TBC1D4: variants seen among roughly 807,000 people sequenced by gnomAD.
TBC1D4 encodes the protein TBC (Tre-2, BUB2, CDC16) domain-containing protein.
A neutral mutation model predicts 142.5 loss-of-function variants in TBC1D4; 121 were observed. That is an observed-to-expected ratio of 0.85 (90% confidence interval 0.73 to 0.99). The LOEUF (loss-of-function observed/expected upper bound fraction) is 0.99, where lower values mean the gene tolerates loss of function less well. Ranked by LOEUF, TBC1D4 falls within the 50% of genes least tolerant of loss-of-function variation. The pLI is 0.00. For missense variants in TBC1D4, 1,475 were observed against 1,606.6 expected, an observed-to-expected ratio of 0.92 and a Z score of 1.40; for synonymous variants, 630 against 628.2, an observed-to-expected ratio of 1.00 and a Z score of -0.04.
At chr13:75,404,870 A>AGGG in intron 1 of TBC1D4, among the ~76,000 whole-genome samples, 1 of 152,276 alleles carries the variant, frequency 6.6e-6, no homozygotes, top group Middle Eastern at 3.4e-3. Context: ...CCCTCCACCC[A>AGGG]TGCAGAGAAA....
At chr13:75,331,492 C>A (rs1362462096) in intron 8 of TBC1D4, among the ~76,000 whole-genome samples, 3 of 151,778 alleles carry the variant, frequency 2.0e-5, no homozygotes, top group African/African-American at 7.3e-5. Flanking sequence ...AGAGCAAGAC[C>A]CTATCTCAAA....
At chr13:75,446,590 A>C (rs756806878) in intron 1 of TBC1D4, among the ~76,000 whole-genome samples, 3 of 152,242 alleles carry the variant, frequency 2.0e-5, no homozygotes, top group Non-Finnish European at 4.4e-5. Context: ...ACATCTGATA[A>C]ATTATCCAAA....
intron 4 of TBC1D4, among the ~76,000 whole-genome samples, chr13:75,352,310 C>T (rs1479677920): frequency 6.6e-6 from 1 of 152,118 alleles, no homozygotes; most frequent in African/African-American, 2.4e-5. Context: ...GCTAATATTT[C>T]ATTTCTAATG....
chr13:75,419,065 TCACACACACAAACA>T (rs1566476521), intron 1 of TBC1D4, among the ~76,000 whole-genome samples: 2 of 152,000 alleles, frequency 1.3e-5, no homozygotes, highest in Admixed American at 6.6e-5. Flanking sequence ...TCTCTCTCTT[TCACACACACAAACA>T]CACACACACA....
At chr13:75,429,065 C>T (rs898810146) in intron 1 of TBC1D4, among the ~76,000 whole-genome samples, 3 of 152,254 alleles carry the variant, frequency 2.0e-5, no homozygotes, top group Middle Eastern at 3.4e-3. Context: ...TACACAGAGT[C>T]GCAAGTGGTG....
intron 1 of TBC1D4, among the ~76,000 whole-genome samples, chr13:75,437,730 G>A (rs185007028): frequency 7.2e-5 from 11 of 152,076 alleles, no homozygotes; most frequent in Admixed American, 5.9e-4. Flanking sequence ...GTGGATAACC[G>A]ACTCTCAGAG....
intron 1 of TBC1D4, among the ~76,000 whole-genome samples, chr13:75,363,899 G>A (rs1260945984): frequency 6.6e-6 from 1 of 152,216 alleles, no homozygotes; most frequent in East Asian, 1.9e-4. Context: ...CAGTTTAAAA[G>A]TTTATTTTGC....
rs1333157643 is a variant in TBC1D4, at chr13:75,310,068, C to T, written c.2467G>A (p.Gly823Arg). The T allele has an allele frequency of 4.3e-6, 7 of 1,613,980 alleles. No individual in the cohort carries two copies. The Middle Eastern group carries it at 4.9e-4, about 114-fold the overall frequency. Residue 823 changes from glycine to arginine, a missense_variant, in exon 14 of 21, where the codon GGG becomes AGG. By Grantham distance (125) the Gly-to-Arg change is moderately radical. Transcript: ENST00000377636. Reference sequence around the variant, plus strand: ...TCAATCTTTTCTGGGTCATCCTCCCCAGACAGGAATACAACCAGCGGTTCC... The same window carrying T: ...TCAATCTTTTCTGGGTCATCCTCCCTAGACAGGAATACAACCAGCGGTTCC... Reference protein sequence around the residue: ...EEEPLVVFLSGEDDPEKIEER... With the variant: ...EEEPLVVFLSREDDPEKIEER...
chr13:75,419,217 G>T (rs1370817304), intron 1 of TBC1D4, among the ~76,000 whole-genome samples: 1 of 152,144 alleles, frequency 6.6e-6, no homozygotes, highest in South Asian at 2.1e-4. Context: ...TTTTGCTGGA[G>T]GTTATTTTGC....
intron 12 of TBC1D4, among the ~76,000 whole-genome samples, chr13:75,315,521 T>C (rs571996829): frequency 1.4e-4 from 22 of 151,998 alleles, no homozygotes; most frequent in Admixed American, 1.4e-3. Flanking sequence ...CTATATATAA[T>C]AGTTACAACC....
At chr13:75,373,369 G>A (rs1023391134) in intron 1 of TBC1D4, among the ~76,000 whole-genome samples, 3 of 152,112 alleles carry the variant, frequency 2.0e-5, no homozygotes, top group Admixed American at 6.5e-5. Flanking sequence ...CTAAAGGGGC[G>A]TATACCTCCC....
chr13:75,457,700 C>T (rs1887795178), intron 1 of TBC1D4, among the ~76,000 whole-genome samples: 1 of 152,162 alleles, frequency 6.6e-6, no homozygotes, highest in South Asian at 2.1e-4. Flanking sequence ...CAAGAAGTAC[C>T]TAGGATGCTT....
At chr13:75,474,403 C>CA (rs1327111799) in intron 1 of TBC1D4, among the ~76,000 whole-genome samples, 1 of 151,998 alleles carries the variant, frequency 6.6e-6, no homozygotes, top group African/African-American at 2.4e-5. Flanking sequence ...ACCAAAAATA[C>CA]AAAAAATTAG....
chr13:75,324,296 G>A lies in TBC1D4; in HGVS notation c.2139C>T (p.Phe713=), dbSNP rs1157813016. 2 of 1,613,876 alleles carry A rather than the reference G, an allele frequency of 1.2e-6. No homozygotes were observed. The highest frequency in any genetic ancestry group is 1.3e-5 in the African/African-American group (1 of 74,914). Residue 713 remains phenylalanine, a synonymous_variant, in exon 11 of 21, where the codon TTC becomes TTT. Transcript: ENST00000377636. ...FSAPSFTAPS[F]LKSFYQNSGR... ...CTGAATTCTGGTAAAAGCTTTTCAG[G>A]AAAGAGGGGGCAGTGAAGGAAGGGG... is the stretch of plus-strand genomic sequence containing the variant.
In TBC1D4 at chr13:75,286,651, C is replaced by G; in HGVS notation, c.*141G>C. On this transcript the variant is annotated 3_prime_UTR_variant, in exon 21 of 21. Transcript: ENST00000377636. ...GGCATGCTCTGATGAGCACGAGGTC[C>G]ACCTGCTGTGACTAGGCGCTCAGCA... 1 of 827,066 alleles carries G rather than the reference C, an allele frequency of 1.2e-6. No homozygotes were observed. Among genetic ancestry groups the G allele is most frequent in the Non-Finnish European group, 2.0e-6 (1 of 500,496 alleles). 51.2% of individuals were successfully genotyped at this position (827,066 alleles called of 1,614,324 possible).
intron 1 of TBC1D4, among the ~76,000 whole-genome samples, chr13:75,469,976 T>C (rs987878488): frequency 6.6e-6 from 1 of 152,096 alleles, no homozygotes; most frequent in African/African-American, 2.4e-5. Flanking sequence ...TAGTAACAAA[T>C]GTGGAAGCCG....
At chr13:75,353,111 G>A (rs188044716) in intron 4 of TBC1D4, among the ~76,000 whole-genome samples, 2 of 152,172 alleles carry the variant, frequency 1.3e-5, no homozygotes, top group African/African-American at 4.8e-5. Context: ...ACAGCTTCAA[G>A]TAGTAGGAAG....
At chr13:75,456,071 T>C (rs1247516160) in intron 1 of TBC1D4, among the ~76,000 whole-genome samples, 1 of 151,746 alleles carries the variant, frequency 6.6e-6, no homozygotes, top group Non-Finnish European at 1.5e-5. Context: ...GCTCAAACCA[T>C]CCTCCTACCT....
intron 1 of TBC1D4, among the ~76,000 whole-genome samples, chr13:75,398,078 G>C (rs1306896025): frequency 2.0e-5 from 3 of 152,194 alleles, no homozygotes; most frequent in African/African-American, 7.2e-5. Flanking sequence ...CCAGCCCCAG[G>C]TGTTTGAGCC....
Sources: gnomAD v4.1 joint callset for allele counts (sites outside exome capture counted in the v4.1 genomes callset) on GRCh38, gnomAD v4.1.1 for gene constraint, MANE v1.5 for transcripts, NCBI Gene and HGNC (gene_info 2026-07-23, HGNC 2026-07-21) for gene names.